The following SND1 variants were observed in gnomAD, a reference collection of about 807,000 sequenced individuals.
SND1 encodes staphylococcal nuclease and tudor domain containing 1.
In SND1, 38 loss-of-function variants were observed where a neutral mutation model predicts 121.7. That is an observed-to-expected ratio of 0.31 (90% CI 0.24 to 0.41). The LOEUF (loss-of-function observed/expected upper bound fraction) is 0.41. Ranked by LOEUF, SND1 falls within the 10% of genes least tolerant of loss-of-function variation. The pLI is 1.00. For synonymous variants in SND1, 401 were observed against 447.4 expected, an observed-to-expected ratio of 0.90 and a Z score of 1.31; for missense variants, 868 against 1,184.6, an observed-to-expected ratio of 0.73 and a Z score of 3.92.
chr7:128,061,798 A>C (rs953672746), intron 16 of SND1, among the ~76,000 whole-genome samples: 2 of 152,216 alleles, frequency 1.3e-5, no homozygotes, highest in African/African-American at 4.8e-5. Flanking sequence ...GGTAGCTTTT[A>C]CTCACAGGCT....
intron 3 of SND1, among the ~76,000 whole-genome samples, chr7:127,695,343 CTT>C (rs745673932): frequency 6.6e-6 from 1 of 152,038 alleles, no homozygotes; most frequent in East Asian, 1.9e-4. Flanking sequence ...CTTGGGAACT[CTT>C]TTGGAAAGGA....
intron 1 of SND1, among the ~76,000 whole-genome samples, chr7:127,653,933 C>T (rs1439256793): frequency 6.6e-6 from 1 of 152,146 alleles, no homozygotes; most frequent in Non-Finnish European, 1.5e-5. Context: ...AAAGGATTAT[C>T]CTAAAGTGGC....
intron 9 of SND1, among the ~76,000 whole-genome samples, chr7:127,708,332 T>A (rs1796238500): frequency 6.6e-6 from 1 of 151,968 alleles, no homozygotes; most frequent in Admixed American, 6.6e-5. Context: ...TTAAGTGCCC[T>A]TCTTTCCTTC....
At chr7:127,657,611 GCCT>G (rs1443522173) in intron 1 of SND1, among the ~76,000 whole-genome samples, 3 of 152,096 alleles carry the variant, frequency 2.0e-5, no homozygotes, top group Non-Finnish European at 2.9e-5. Context: ...TCCTGCCTCA[GCCT>G]CCTCCTGAGT....
intron 16 of SND1, among the ~76,000 whole-genome samples, chr7:128,072,594 A>C (rs1793431277): frequency 6.6e-6 from 1 of 152,142 alleles, no homozygotes; most frequent in Admixed American, 6.5e-5. Flanking sequence ...AAGCTTGGCA[A>C]GTTAAGATGA....
rs192860031 is a variant in SND1, at chr7:128,079,888, G to T, written c.1969-1472G>T. On this transcript the variant is annotated intron_variant, in intron 17 of 23. Coordinates refer to ENST00000354725, the MANE Select transcript of SND1 (RefSeq NM_014390.4). The stretch of plus-strand genomic sequence containing the variant: ...CACCAACAAACAGCTTTTTCCTCCT[G>T]GTTGGTGGTGTTTTCTCAGGGATAC... Among the ~76,000 whole-genome samples, 367 of 152,196 alleles carry T rather than the reference G, an allele frequency of 2.4e-3. 2 individuals are homozygous for T. Among genetic ancestry groups the T allele is most frequent in the Non-Finnish European group, 4.1e-3 (277 of 68,018 alleles).
At chr7:127,975,912 C>G (rs571725374) in intron 15 of SND1, among the ~76,000 whole-genome samples, 30 of 152,362 alleles carry the variant, frequency 2.0e-4, no homozygotes, top group African/African-American at 7.0e-4. Context: ...TTCCTACGTT[C>G]TTCCCAAATA....
intron 3 of SND1, among the ~76,000 whole-genome samples, chr7:127,695,567 C>T (rs1256652564): frequency 6.6e-6 from 1 of 152,236 alleles, no homozygotes; most frequent in Admixed American, 6.5e-5. Context: ...CACCGTGGCT[C>T]ACACCTGTAA....
At chr7:127,932,894 T>C (rs547602113) in intron 15 of SND1, among the ~76,000 whole-genome samples, 16 of 152,340 alleles carry the variant, frequency 1.1e-4, no homozygotes, top group African/African-American at 3.8e-4. Flanking sequence ...ACTTGCTGTA[T>C]TGCAATATTC....
chr7:127,954,196 C>T (rs1263929910), intron 15 of SND1, among the ~76,000 whole-genome samples: 1 of 152,142 alleles, frequency 6.6e-6, no homozygotes, highest in African/African-American at 2.4e-5. Flanking sequence ...CTGGAATGCA[C>T]ACTGTGTTCT....
intron 12 of SND1, among the ~76,000 whole-genome samples, chr7:127,846,086 T>C (rs1799056588): frequency 6.6e-6 from 1 of 152,208 alleles, no homozygotes; most frequent in East Asian, 1.9e-4. Context: ...TATTACATTC[T>C]TGAGTCCTTG....
intron 15 of SND1, among the ~76,000 whole-genome samples, chr7:127,955,948 A>G (rs774851500): frequency 6.6e-6 from 1 of 152,200 alleles, no homozygotes; most frequent in Non-Finnish European, 1.5e-5. Flanking sequence ...CTTCCTGAGC[A>G]GGAGCACTTG....
chr7:127,835,094 A>G (rs1300594164), intron 11 of SND1, among the ~76,000 whole-genome samples: 1 of 152,154 alleles, frequency 6.6e-6, no homozygotes, highest in African/African-American at 2.4e-5. Flanking sequence ...GGCATTCAAA[A>G]TCTTTATAGA....
At chr7:127,954,506 T>C (rs932736582) in intron 15 of SND1, among the ~76,000 whole-genome samples, 8 of 152,258 alleles carry the variant, frequency 5.3e-5, no homozygotes, top group Admixed American at 5.2e-4. Context: ...TAATCTCTTA[T>C]GTCTTCGGCT....
intron 14 of SND1, among the ~76,000 whole-genome samples, chr7:127,915,408 C>T (rs922170707): frequency 1.4e-4 from 22 of 152,228 alleles, no homozygotes; most frequent in African/African-American, 3.1e-4. Flanking sequence ...CAAATCCTAC[C>T]GCTCCCTCTC....
chr7:128,026,288 G>T (rs948933334), intron 16 of SND1, among the ~76,000 whole-genome samples: 2 of 152,186 alleles, frequency 1.3e-5, no homozygotes, highest in African/African-American at 4.8e-5. Context: ...TTGGTGCCTA[G>T]AACTGTGAGT....
intron 16 of SND1, among the ~76,000 whole-genome samples, chr7:128,074,225 GCTCTCT>G (rs141914844): frequency 6.7e-6 from 1 of 150,022 alleles, no homozygotes. Context: ...CTTCAGCTGC[GCTCTCT>G]CTCTCTCTCT....
chr7:127,997,209 T>C (rs1444097724), intron 16 of SND1, among the ~76,000 whole-genome samples: 2 of 152,206 alleles, frequency 1.3e-5, no homozygotes, highest in African/African-American at 4.8e-5. Context: ...CCAAATCAAA[T>C]GCTTTTTCTC....
At chr7:128,077,359 C>T (rs1350269128) in intron 17 of SND1, among the ~76,000 whole-genome samples, 1 of 152,202 alleles carries the variant, frequency 6.6e-6, no homozygotes, top group East Asian at 1.9e-4. Flanking sequence ...GGAGAGACAG[C>T]CTCCATTCCT....
Sources: gnomAD v4.1 joint callset for allele counts (sites outside exome capture counted in the v4.1 genomes callset) on GRCh38, gnomAD v4.1.1 for gene constraint, MANE v1.5 for transcripts, NCBI Gene and HGNC (gene_info 2026-07-23, HGNC 2026-07-21) for gene names.